TMEM273: variants seen among roughly 807,000 people sequenced by gnomAD.
TMEM273 encodes transmembrane protein 273, also known as chromosome 10 open reading frame 128.
TMEM273 carries 19 observed loss-of-function variants against 17.9 expected under a neutral mutation model. The ratio of observed to expected loss-of-function variants is 1.06; its 90% CI spans 0.74 to 1.55. TMEM273 has a LOEUF of 1.55. Ranked by LOEUF, TMEM273 falls within the 40% of genes most tolerant of loss-of-function variation. The probability of loss-of-function intolerance (pLI) is 0.00; values close to 1 mark genes in which losing one functional copy is unlikely to be tolerated. For missense variants in TMEM273, 194 were observed against 155.6 expected, an observed-to-expected ratio of 1.25 and a Z score of -1.31; for synonymous variants, 66 against 62.0, an observed-to-expected ratio of 1.07 and a Z score of -0.31.
intron 1 of TMEM273, among the ~76,000 whole-genome samples, chr10:49,183,619 G>T (rs1040348948): frequency 5.3e-5 from 8 of 151,978 alleles, no homozygotes; most frequent in Admixed American, 4.6e-4. Flanking sequence ...TTCAGCTTTG[G>T]GGCATCAAAA....
chr10:49,156,731 C>G (rs200075125), intron 6 of TMEM273, among the ~76,000 whole-genome samples: 1 of 152,140 alleles, frequency 6.6e-6, no homozygotes. Context: ...ATCTTTGGGA[C>G]AAGCCACGTC....
At chr10:49,167,715 C>T (rs537139846) in intron 2 of TMEM273, among the ~76,000 whole-genome samples, 194 bp downstream of exon 2, 7 of 152,296 alleles carry the variant, frequency 4.6e-5, no homozygotes, top group South Asian at 4.1e-4. Flanking sequence ...CCTGTGTGGA[C>T]GAGCTTTAAT....
intron 1 of TMEM273, among the ~76,000 whole-genome samples, chr10:49,175,370 C>G (rs1846884759): frequency 6.6e-6 from 1 of 152,188 alleles, no homozygotes; most frequent in Non-Finnish European, 1.5e-5. Flanking sequence ...TCGCCGCACG[C>G]CACCCTGGGC....
intron 1 of TMEM273, among the ~76,000 whole-genome samples, chr10:49,177,728 GT>G (rs1160178673): frequency 6.6e-6 from 1 of 152,198 alleles, no homozygotes; most frequent in Non-Finnish European, 1.5e-5. Flanking sequence ...GTTTGGGAGG[GT>G]CTCTTTTCTT....
In TMEM273 at chr10:49,155,731, C is replaced by T. The variant is rs1039997804; in HGVS notation, c.*161G>A. 1 of 950,424 alleles carries T rather than the reference C, an allele frequency of 1.1e-6. No individual in the cohort carries two copies. The highest frequency in any genetic ancestry group is 2.2e-4 in the Middle Eastern group (1 of 4,522). The allele number at this position is 950,424 out of a possible 1,614,324, so 58.9% of individuals were successfully genotyped here. A position where few individuals can be genotyped will look rare whatever the true frequency, so the allele number is the denominator to read the frequency against. On this transcript the variant is annotated 3_prime_UTR_variant, in exon 7 of 7. Coordinates refer to ENST00000374153, the MANE Select transcript of TMEM273 (RefSeq NM_001288740.3). ...GATATTTTCCTTCAGGACAGAGGCACTGTATATTCTATTCCTTCTATTATT... is the reference window on the plus strand; with the variant it reads ...GATATTTTCCTTCAGGACAGAGGCATTGTATATTCTATTCCTTCTATTATT...
chr10:49,158,970 G>A (rs1196615247), intron 6 of TMEM273, among the ~76,000 whole-genome samples: 2 of 152,088 alleles, frequency 1.3e-5, no homozygotes, highest in African/African-American at 2.4e-5. Context: ...CTATATAAAA[G>A]TGTTTTTAAT....
At chr10:49,180,682 C>T (rs574716106) in intron 1 of TMEM273, among the ~76,000 whole-genome samples, 1 of 152,248 alleles carries the variant, frequency 6.6e-6, no homozygotes, top group African/African-American at 2.4e-5. Context: ...GATGCCATCA[C>T]CTCGATGATA....
chr10:49,166,231 C>G (rs1478415739), intron 3 of TMEM273, among the ~76,000 whole-genome samples: 1 of 152,146 alleles, frequency 6.6e-6, no homozygotes, highest in Non-Finnish European at 1.5e-5. Flanking sequence ...GGATGATACC[C>G]TGAGAGAAGG....
chr10:49,176,315 C>T (rs781539411), intron 1 of TMEM273, among the ~76,000 whole-genome samples: 58 of 152,210 alleles, frequency 3.8e-4, no homozygotes, highest in Admixed American at 1.8e-3. Flanking sequence ...AGAGGTGGCG[C>T]TCCCCAGCAA....
chr10:49,165,153 A>C (rs2132135082), intron 5 of TMEM273, 52 bp downstream of exon 5: 1 of 1,503,806 alleles, frequency 6.6e-7, no homozygotes, highest in East Asian at 2.5e-5. Context: ...AAAGAAAACT[A>C]AAGCCAAGCA....
intron 1 of TMEM273, among the ~76,000 whole-genome samples, chr10:49,176,277 C>T (rs1287655132): frequency 6.6e-6 from 1 of 152,216 alleles, no homozygotes; most frequent in East Asian, 1.9e-4. Context: ...CACCGGGAGG[C>T]ACTCTGGGAA....
intron 6 of TMEM273, among the ~76,000 whole-genome samples, chr10:49,156,976 G>A (rs1457883039): frequency 3.3e-5 from 5 of 152,216 alleles, no homozygotes; most frequent in African/African-American, 1.2e-4. Flanking sequence ...AAAGATGGAA[G>A]GTTCAGAAGA....
At chr10:49,158,509 G>A (rs986885975) in intron 6 of TMEM273, among the ~76,000 whole-genome samples, 2 of 152,140 alleles carry the variant, frequency 1.3e-5, no homozygotes, top group African/African-American at 4.8e-5. Flanking sequence ...AGAATAGCTG[G>A]AATAAAATAG....
At chr10:49,156,283 C>T in intron 6 of TMEM273, 2 of 1,324,208 alleles carry the variant, frequency 1.5e-6, no homozygotes, top group African/African-American at 3.0e-5. Flanking sequence ...GATAGATAGA[C>T]CTATGAGAAT....
At chr10:49,159,957 G>A (rs1040940612) in intron 6 of TMEM273, among the ~76,000 whole-genome samples, 1 of 152,106 alleles carries the variant, frequency 6.6e-6, no homozygotes, top group Admixed American at 6.5e-5. Context: ...GATGGCAATG[G>A]ATTAAAATGC....
chr10:49,161,031 T>C (rs1256400473), intron 6 of TMEM273: 1 of 153,926 alleles, frequency 6.5e-6, no homozygotes, highest in African/African-American at 2.4e-5. Context: ...GGAATGTGGA[T>C]TGTGAAATGA....
At chr10:49,168,673 A>G (rs959387993) in intron 1 of TMEM273, among the ~76,000 whole-genome samples, 9 of 118,940 alleles carry the variant, frequency 7.6e-5, no homozygotes, top group Non-Finnish European at 1.0e-4. Flanking sequence ...AGGAAGGAAG[A>G]AAGGAAGGAA....
intron 1 of TMEM273, among the ~76,000 whole-genome samples, chr10:49,174,576 G>A (rs996886577): frequency 8.5e-5 from 13 of 152,172 alleles, no homozygotes; most frequent in Admixed American, 8.5e-4. Flanking sequence ...TAAACAGGAC[G>A]TCTGCAGACC....
intron 6 of TMEM273, chr10:49,161,322 A>T: frequency 1.9e-6 from 1 of 536,784 alleles, no homozygotes; most frequent in East Asian, 3.0e-5. Context: ...TGGAGAATGA[A>T]AAAAAGTTTA....
Sources: allele counts gnomAD v4.1 joint callset (sites outside exome capture counted in the v4.1 genomes callset), GRCh38; gene constraint gnomAD v4.1.1; transcripts MANE v1.5; gene names NCBI Gene and HGNC (gene_info 2026-07-23, HGNC 2026-07-21).